IFT140: variants seen among roughly 807,000 people sequenced by gnomAD.
IFT140 encodes intraflagellar transport 140.
Under a neutral mutation model 164.6 loss-of-function variants are expected in IFT140, and 133 were observed. The observed-to-expected ratio is 0.81, with a 90% CI of 0.70 to 0.93. The LOEUF is 0.93. Among genes scored for constraint, IFT140 ranks in the 40% least tolerant of loss-of-function variants. The pLI is 0.00. For missense variants in IFT140, 2,045 were observed against 1,972.3 expected, an observed-to-expected ratio of 1.04 and a Z score of -0.70; for synonymous variants, 860 against 817.3, an observed-to-expected ratio of 1.05 and a Z score of -0.89.
intron 15 of IFT140, among the ~76,000 whole-genome samples, chr16:1,566,721 G>A (rs8059442): frequency 0.015 from 2,261 of 152,038 alleles, 61 homozygotes; most frequent in African/African-American, 0.052. Context: ...TCCCAGCCCC[G>A]TGTTCTCCCC....
chr16:1,536,372 G>GC (rs1307787225), intron 19 of IFT140, among the ~76,000 whole-genome samples: 3 of 152,174 alleles, frequency 2.0e-5, no homozygotes, highest in African/African-American at 7.2e-5. Context: ...CCCTCACAGA[G>GC]CCCCCTGGAC....
intron 13 of IFT140, among the ~76,000 whole-genome samples, chr16:1,572,542 A>C (rs905589765): frequency 1.3e-4 from 20 of 152,192 alleles, no homozygotes; most frequent in Non-Finnish European, 1.5e-5. Context: ...GCTACTCGGG[A>C]GGCTGAGGCA....
intron 21 of IFT140, among the ~76,000 whole-genome samples, chr16:1,525,635 G>A (rs893978500): frequency 3.3e-5 from 5 of 152,212 alleles, no homozygotes; most frequent in African/African-American, 4.8e-5. Flanking sequence ...ATCTGTGCTC[G>A]GCAACTGACA....
At chr16:1,567,488 C>T (rs1008269813) in intron 15 of IFT140, among the ~76,000 whole-genome samples, 19 of 152,184 alleles carry the variant, frequency 1.2e-4, no homozygotes, top group Non-Finnish European at 2.4e-4. Context: ...CAGGCCTGGC[C>T]GGAGCTCCAC....
Position 1,553,241 on chromosome 16 carries a change from TGTCTCTGTCTCTCTGTATCTCTCTTG to T in IFT140, c.2399+4668_2399+4693del, listed in dbSNP as rs2032820742. 2.0e-6 allele frequency: 2 copies of T among 977,446 alleles called. No homozygotes were observed. The highest frequency in any genetic ancestry group is 1.8e-5 in the African/African-American group (1 of 57,108). 60.5% of individuals were successfully genotyped at this position (977,446 alleles called of 1,614,324 possible). A position where few individuals can be genotyped will look rare whatever the true frequency, so the allele number is the denominator to read the frequency against. On this transcript the variant is annotated intron_variant, in intron 19 of 30. Transcript: ENST00000426508. The surrounding 1 kb of genome is among the most constrained non-coding windows in gnomAD (Gnocchi z 4.4). ...CTCTGTCTCCATCTGTCTCTGTGTC[TGTCTCTGTCTCTCTGTATCTCTCTTG>T]GTCTCTGTCTCTCTGTGTCTCTGCC...
intron 19 of IFT140, among the ~76,000 whole-genome samples, chr16:1,536,885 G>A (rs1935467309): frequency 1.3e-5 from 2 of 152,198 alleles, no homozygotes; most frequent in African/African-American, 2.4e-5. Flanking sequence ...GTCCCCAATC[G>A]GGTGAGGGGC....
At position 1,533,030 on chromosome 16, in the gene IFT140, A is replaced by C. The variant is rs1411747680; in HGVS notation, c.2400-6234T>G. On this transcript the variant is annotated intron_variant, in intron 19 of 30. Transcript: ENST00000426508. The surrounding 1 kb of genome is among the most constrained non-coding windows in gnomAD (Gnocchi z 4.7). The stretch of plus-strand genomic sequence containing the variant: ...AGAATCTTACCCTTCTTGCCACCTA[A>C]GAATGACCTGGCCTCGAGGTCCTCC... 1 of 152,514 alleles carries C rather than the reference A, an allele frequency of 6.6e-6. No individual in the cohort carries two copies. The highest frequency in any genetic ancestry group is 2.4e-5 in the African/African-American group (1 of 41,424). The allele number at this position is 152,514 out of a possible 1,614,324, so 9.4% of individuals were successfully genotyped here.
Position 1,602,585 on chromosome 16 carries a change from A to G in IFT140, c.154T>C (p.Cys52Arg), listed in dbSNP as rs886051770. 2 of 1,611,176 alleles carry G rather than the reference A, an allele frequency of 1.2e-6. No homozygotes were observed. Among genetic ancestry groups the G allele is most frequent in the Non-Finnish European group, 1.7e-6 (2 of 1,179,958 alleles). Residue 52 changes from cysteine (C) to arginine (R), a missense_variant, in exon 4 of 31, where the codon TGC (cysteine) becomes CGC (arginine). Cys to Arg is a radical substitution (Grantham distance 180, BLOSUM62 -3). Coordinates refer to ENST00000426508, the MANE Select transcript of IFT140 (RefSeq NM_014714.4). ...CTCTCGACGTGTGTATCTGGCACGC[A>G]CTCCCCCTGCATTGGATGAGAGGCA... is the stretch of plus-strand genomic sequence containing the variant. ...SVDIYLEQGE[C>R]VPDTHVERPF...
chr16:1,595,186 G>A (rs1241051104), intron 4 of IFT140, among the ~76,000 whole-genome samples: 2 of 152,230 alleles, frequency 1.3e-5, no homozygotes, highest in African/African-American at 4.8e-5. Flanking sequence ...TCGGGAGGCT[G>A]AGGCAGGAGA....
At chr16:1,545,962 G>A (rs925000457) in intron 19 of IFT140, among the ~76,000 whole-genome samples, 4 of 152,204 alleles carry the variant, frequency 2.6e-5, no homozygotes, top group African/African-American at 9.7e-5. Flanking sequence ...CACTGTCCTG[G>A]CTTGGCTGCC....
At chr16:1,546,314 G>T (rs1486434880) in intron 19 of IFT140, among the ~76,000 whole-genome samples, 1 of 152,208 alleles carries the variant, frequency 6.6e-6, no homozygotes, top group Non-Finnish European at 1.5e-5. Context: ...GGTGCCTGAG[G>T]ATGCTCCGAG....
intron 14 of IFT140, among the ~76,000 whole-genome samples, chr16:1,568,699 A>C (rs1024431773): frequency 2.0e-5 from 3 of 152,090 alleles, no homozygotes; most frequent in Non-Finnish European, 4.4e-5. Flanking sequence ...GGTTGCAGTG[A>C]ACCGAGATCA....
chr16:1,580,517 C>T (rs954701773), intron 13 of IFT140: 10 of 405,262 alleles, frequency 2.5e-5, no homozygotes, highest in East Asian at 1.0e-4. Context: ...GCTTCCCATT[C>T]GCCTCCCACC....
chr16:1,519,762 G>A, intron 29 of IFT140, 119 bp downstream of exon 29: 3 of 964,620 alleles, frequency 3.1e-6, no homozygotes, highest in Non-Finnish European at 4.4e-6. Flanking sequence ...CAGTAGTGCT[G>A]TCCCAAGTGA....
intron 7 of IFT140, 22 bp from the exon 8 acceptor site, chr16:1,588,046 C>T: frequency 6.2e-7 from 1 of 1,609,074 alleles, no homozygotes; most frequent in Non-Finnish European, 8.5e-7. Context: ...AACAACCGAG[C>T]AGAGGCACCG....
At chr16:1,568,480 G>A in intron 14 of IFT140, 146 bp from the exon 15 acceptor site, 1 of 638,670 alleles carries the variant, frequency 1.6e-6, no homozygotes, top group Non-Finnish European at 2.7e-6. Context: ...ACCATGAGGT[G>A]GGGCAAACGC....
intron 14 of IFT140, among the ~76,000 whole-genome samples, chr16:1,569,308 G>A (rs918985891): frequency 3.9e-5 from 6 of 151,950 alleles, no homozygotes; most frequent in Non-Finnish European, 5.9e-5. Flanking sequence ...GCGCTCGGCC[G>A]TGGAATTCTT....
rs917788658 is a variant in IFT140, at chr16:1,583,350, T to C, written c.1396A>G (p.Ile466Val). ...ATCGCGGCTCCAGAAAGCTCGAAGA[T>C]CGCCACCTGCCTTCCGTTCCAGACT... ...VAVWNGRQVA[I>V]FELSGAAIRS... The change falls in exon 12 of 31, where the codon ATC becomes GTC. Residue 466 changes from isoleucine to valine, a missense_variant. By Grantham distance (29) the Ile-to-Val change is conservative (BLOSUM62 3). Coordinates refer to ENST00000426508, the MANE Select transcript of IFT140 (RefSeq NM_014714.4). 1 of 1,613,972 alleles carries C rather than the reference T, an allele frequency of 6.2e-7. No individual in the cohort carries two copies. Among genetic ancestry groups the C allele is most frequent in the African/African-American group, 1.3e-5 (1 of 74,888 alleles).
intron 19 of IFT140, 117 bp from the exon 20 acceptor site, chr16:1,526,913 G>A (rs545115292): frequency 3.4e-6 from 4 of 1,186,346 alleles, no homozygotes; most frequent in Middle Eastern, 2.9e-4. Context: ...CGGGCATGAG[G>A]AGGGGCCTTC....
Sources: gnomAD v4.1 joint callset for allele counts (sites outside exome capture counted in the v4.1 genomes callset) on GRCh38, gnomAD v4.1.1 for gene constraint, Gnocchi (gnomAD v3.1) non-coding constraint, MANE v1.5 for transcripts, NCBI Gene and HGNC (gene_info 2026-07-23, HGNC 2026-07-21) for gene names.